Variants in CAND2 observed in about 807,000 individuals in gnomAD.
CAND2 encodes cullin-associated NEDD8-dissociated protein 2.
CAND2 carries 62 observed loss-of-function variants against 98.9 expected under a neutral mutation model. That is an observed-to-expected ratio of 0.63 (90% confidence interval 0.51 to 0.77). The LOEUF is 0.77. Ranked by LOEUF, CAND2 falls within the 30% of genes least tolerant of loss-of-function variation. The probability of loss-of-function intolerance (pLI) is 0.00; values close to 1 mark genes in which losing one functional copy is unlikely to be tolerated. For missense variants in CAND2, 1,501 were observed against 1,655.2 expected, an observed-to-expected ratio of 0.91 and a Z score of 1.62; for synonymous variants, 770 against 731.9, an observed-to-expected ratio of 1.05 and a Z score of -0.84.
At chr3:12,809,934 T>C (rs978068237) in intron 4 of CAND2, 125 bp from the exon 5 acceptor site, 1 of 1,079,544 alleles carries the variant, frequency 9.3e-7, no homozygotes, top group African/African-American at 1.7e-5. Flanking sequence ...GGCACCTCTT[T>C]TGCAAGGGCC....
chr3:12,827,692 C>G, intron 13 of CAND2, 88 bp downstream of exon 13: 1 of 1,280,268 alleles, frequency 7.8e-7, no homozygotes, highest in South Asian at 1.6e-5. Flanking sequence ...TGTCCTTGCT[C>G]CCTACTCCAG....
intron 1 of CAND2, among the ~76,000 whole-genome samples, chr3:12,798,646 C>G (rs1467336436): frequency 6.6e-6 from 1 of 152,236 alleles, no homozygotes; most frequent in African/African-American, 2.4e-5. Flanking sequence ...GCGCTAGTGT[C>G]TCTCAGGCCT....
At chr3:12,831,766 A>G (rs3732680) in intron 14 of CAND2, among the ~76,000 whole-genome samples, 194 bp downstream of exon 14, 119,184 of 152,234 alleles carry the variant, frequency 0.78, 47,140 homozygotes, top group African/African-American at 0.88. Context: ...GGCTTTGAGA[A>G]GTTGTTATTG....
At chr3:12,810,378 G>A (rs1035289742) in intron 5 of CAND2, 54 bp downstream of exon 5, 115 of 1,371,010 alleles carry the variant, frequency 8.4e-5, no homozygotes, top group Non-Finnish European at 9.4e-5. Context: ...AGCTTAGGGT[G>A]AGCCAATGAC....
chr3:12,828,668 G>A (rs2062025459), intron 13 of CAND2, among the ~76,000 whole-genome samples: 1 of 152,160 alleles, frequency 6.6e-6, no homozygotes, highest in South Asian at 2.1e-4. Context: ...AAAGTGCACA[G>A]CACAGTGGCA....
rs1424713347 is a variant in CAND2 at position 12,825,454 on chromosome 3, C to T, written c.3041-16C>T. 8 of 1,548,130 alleles carry T rather than the reference C, an allele frequency of 5.2e-6. No individual in the cohort carries two copies. Among genetic ancestry groups the T allele is most frequent in the East Asian group, 4.9e-5 (2 of 40,938 alleles). On this transcript the variant is annotated splice_polypyrimidine_tract_variant and intron_variant, in intron 11 of 14. Transcript: ENST00000456430. ...TTGGCTGTGCATCCCCCACGCCCCT[C>T]ATGTTCTTCTGCCAGGAGAGTTCAT...
intron 5 of CAND2, among the ~76,000 whole-genome samples, chr3:12,811,128 G>GGT (rs2061848847): frequency 6.6e-6 from 1 of 152,106 alleles, no homozygotes; most frequent in South Asian, 2.1e-4. Flanking sequence ...GGGGGGTGGG[G>GGT]GGGGGAACCC....
intron 11 of CAND2, 148 bp from the exon 12 acceptor site, chr3:12,825,322 C>T: frequency 1.4e-6 from 1 of 708,594 alleles, no homozygotes; most frequent in Non-Finnish European, 2.3e-6. Flanking sequence ...TTGTTTGTGC[C>T]TGGCACAAAG....
At chr3:12,803,200 G>T (rs748592556) in intron 1 of CAND2, among the ~76,000 whole-genome samples, 3 of 152,110 alleles carry the variant, frequency 2.0e-5, no homozygotes, top group Non-Finnish European at 2.9e-5. Flanking sequence ...CACCATGTTA[G>T]CCAGGATGGT....
chr3:12,797,147 C>A (rs1165081940), intron 1 of CAND2, among the ~76,000 whole-genome samples: 6 of 148,558 alleles, frequency 4.0e-5, no homozygotes, highest in Non-Finnish European at 3.0e-5. Context: ...CTTCTTCCCC[C>A]GCAGCTGATG....
At chr3:12,813,499 C>T (rs1377648308) in intron 7 of CAND2, 111 bp downstream of exon 7, 2 of 1,094,798 alleles carry the variant, frequency 1.8e-6, no homozygotes, top group African/African-American at 3.1e-5. Flanking sequence ...CTGATGCCAG[C>T]TCTTTCTCAA....
In CAND2 at chr3:12,813,458, A is replaced by G. The variant is rs1346358868; in HGVS notation, c.1006+70A>G. On this transcript the variant is annotated intron_variant, in intron 7 of 14. Transcript: ENST00000456430. ...ACAGCCTTCCTGGGATCCCCCAACC[A>G]AAGACAGCGGTCACATTTGGTGCCC... is the stretch of plus-strand genomic sequence containing the variant. 5 of 1,526,706 alleles carry G rather than the reference A, an allele frequency of 3.3e-6. No homozygotes were observed. The African/African-American group carries it at 6.8e-5, about 21-fold the overall frequency. The allele number at this position is 1,526,706 out of a possible 1,614,324, so 94.6% of individuals were successfully genotyped here. A position where few individuals can be genotyped will look rare whatever the true frequency, so the allele number is the denominator to read the frequency against.
At position 12,833,741 on chromosome 3, in the gene CAND2, GT is replaced by G. The variant is rs749008697; in HGVS notation, c.3484-11del. ...TCAATAAAGGATGGCTGCTTCTGCTGTTTCCTACTTTAGGTCAAAGCTGGTT... is the reference window on the plus strand; with the variant it reads ...TCAATAAAGGATGGCTGCTTCTGCTGTTCCTACTTTAGGTCAAAGCTGGTT... On this transcript the variant is annotated splice_polypyrimidine_tract_variant and intron_variant, in intron 14 of 14. Coordinates refer to ENST00000456430, the MANE Select transcript of CAND2 (RefSeq NM_001162499.2). 5.0e-6 allele frequency: 8 copies of G among 1,608,990 alleles called. No homozygotes were observed. In the African/African-American group the frequency reaches 1.1e-4, roughly 21 times the overall value.
intron 7 of CAND2, among the ~76,000 whole-genome samples, chr3:12,814,529 C>T (rs1345033958): frequency 6.6e-6 from 1 of 152,168 alleles, no homozygotes; most frequent in Admixed American, 6.5e-5. Flanking sequence ...GCCACACAAA[C>T]CCAGCATTTC....
chr3:12,796,783 C>T lies in CAND2; in HGVS notation c.63C>T (p.Asp21=), dbSNP rs2061728761. The change falls in exon 1 of 15, where the codon GAC becomes GAT. Residue 21 remains aspartate (D), a synonymous_variant. Coordinates refer to ENST00000456430, the MANE Select transcript of CAND2 (RefSeq NM_001162499.2). ...LLEKMTSSDK[D]FRFMATSDLM... ...AGAAGATGACGTCCAGCGACAAGGA[C>T]TTCAGGTGCAGCCCGCCGCCGGCCC... 1.1e-5 allele frequency: 17 copies of T among 1,585,848 alleles called. No homozygotes were observed. The highest frequency in any genetic ancestry group is 1.5e-5 in the Non-Finnish European group (17 of 1,165,372).
intron 1 of CAND2, among the ~76,000 whole-genome samples, chr3:12,803,271 C>T (rs1426902744): frequency 2.0e-5 from 3 of 152,160 alleles, no homozygotes; most frequent in Non-Finnish European, 2.9e-5. Context: ...GGATTACAGG[C>T]GTGAGCCATT....
intron 13 of CAND2, 135 bp from the exon 14 acceptor site, chr3:12,831,330 A>T (rs2062052128): frequency 1.4e-6 from 1 of 700,616 alleles, no homozygotes. Context: ...AGAGGGAGAG[A>T]CTCTGGCAGG....
rs764065003 is a variant in CAND2 at position 12,817,012 on chromosome 3, G to T, written c.2080G>T (p.Ala694Ser). ...CAGCCTCCCACCGTCTGCCGTGCAG[G>T]CCGTGCTGGCTGAGCTGCCTGCCCT... ...GLSLPPSAVQ[A>S]VLAELPALVN... Residue 694 changes from alanine to serine, a missense_variant, in exon 10 of 15, where the codon GCC (alanine) becomes TCC (serine). Physicochemically the swap from Ala to Ser is moderately conservative, Grantham distance 99. This residue lies in a region of CAND2 where 1,427 missense variants were observed against 1,545.3 expected (regional missense o/e 0.92). Coordinates refer to ENST00000456430, the MANE Select transcript of CAND2 (RefSeq NM_001162499.2). 9.9e-6 allele frequency: 16 copies of T among 1,612,946 alleles called. No homozygotes were observed. The highest frequency in any genetic ancestry group is 1.2e-5 in the Non-Finnish European group (14 of 1,179,924).
At chr3:12,802,763 T>C (rs913277215) in intron 1 of CAND2, among the ~76,000 whole-genome samples, 1 of 152,142 alleles carries the variant, frequency 6.6e-6, no homozygotes, top group Non-Finnish European at 1.5e-5. Flanking sequence ...ATTTTGTCCT[T>C]GTGTGAACCT....
Sources: allele counts gnomAD v4.1 joint callset (sites outside exome capture counted in the v4.1 genomes callset), GRCh38; gene constraint gnomAD v4.1.1; regional missense constraint gnomAD v4.1.1; transcripts MANE v1.5; gene names NCBI Gene and HGNC (gene_info 2026-07-23, HGNC 2026-07-21).